NSMCE2: variants seen among roughly 807,000 people sequenced by gnomAD.
NSMCE2 encodes NSE2 SUMO ligase component of SMC5/6 complex, also known as E3 SUMO-protein ligase NSE2.
In NSMCE2, 24 loss-of-function variants were observed where a neutral mutation model predicts 23.8. That is an observed-to-expected ratio of 1.01 (90% CI 0.73 to 1.42). NSMCE2 has a LOEUF of 1.42. Ranked by LOEUF, NSMCE2 falls within the 40% of genes most tolerant of loss-of-function variation. The probability of loss-of-function intolerance (pLI) is 0.00; values close to 1 mark genes in which losing one functional copy is unlikely to be tolerated. For missense variants in NSMCE2, 284 were observed against 296.5 expected (o/e 0.96, Z 0.31); for synonymous variants, 92 against 94.1 (o/e 0.98, Z 0.13).
At chr8:125,182,864 A>T (rs1822894516) in intron 5 of NSMCE2, 1 of 152,302 alleles carries the variant, frequency 6.6e-6, no homozygotes, top group Admixed American at 6.5e-5. Flanking sequence ...TATACCAAAA[A>T]AATTTTTTAG....
intron 5 of NSMCE2, among the ~76,000 whole-genome samples, chr8:125,313,226 A>G (rs1563777894): frequency 6.6e-6 from 1 of 150,500 alleles, no homozygotes; most frequent in African/African-American, 2.5e-5. Context: ...AAAGAAAGAA[A>G]AAGAAGAAAG....
At chr8:125,296,372 A>T (rs374929626) in intron 5 of NSMCE2, among the ~76,000 whole-genome samples, 9 of 151,504 alleles carry the variant, frequency 5.9e-5, no homozygotes, top group African/African-American at 1.2e-4. Flanking sequence ...GGCTGTAGTC[A>T]AATTGTTGTT....
At chr8:125,122,107 A>G (rs1819290757) in intron 3 of NSMCE2, among the ~76,000 whole-genome samples, 2 of 151,366 alleles carry the variant, frequency 1.3e-5, no homozygotes, top group Admixed American at 6.6e-5. Flanking sequence ...TCTTCATTAA[A>G]ACCATTTATA....
chr8:125,236,126 A>C (rs1423648871), intron 5 of NSMCE2, among the ~76,000 whole-genome samples: 1 of 152,214 alleles, frequency 6.6e-6, no homozygotes, highest in Non-Finnish European at 1.5e-5. Context: ...GGCAAGTGAA[A>C]ATTCAGAAAG....
chr8:125,179,625 A>C (rs1057244877), intron 4 of NSMCE2, among the ~76,000 whole-genome samples: 7 of 152,238 alleles, frequency 4.6e-5, no homozygotes, highest in African/African-American at 1.7e-4. Context: ...GAAGACATTT[A>C]CAGCAGTGAA....
chr8:125,154,486 G>A (rs1319137131), intron 4 of NSMCE2, among the ~76,000 whole-genome samples: 2 of 148,624 alleles, frequency 1.3e-5, no homozygotes, highest in African/African-American at 5.0e-5. Context: ...TTTGGAATTG[G>A]CATCTATTTT....
intron 5 of NSMCE2, among the ~76,000 whole-genome samples, chr8:125,288,987 G>A (rs555050228): frequency 1.1e-4 from 16 of 152,012 alleles, no homozygotes; most frequent in Non-Finnish European, 7.4e-5. Context: ...TTATAGAGAT[G>A]GTCAGTGTTG....
At chr8:125,361,759 T>C (rs1429616379) in intron 7 of NSMCE2, among the ~76,000 whole-genome samples, 1 of 152,194 alleles carries the variant, frequency 6.6e-6, no homozygotes, top group Non-Finnish European at 1.5e-5. Context: ...AGAGTTGTTA[T>C]CACTCCCCGT....
chr8:125,231,696 A>G (rs1185341972), intron 5 of NSMCE2, among the ~76,000 whole-genome samples: 2 of 152,216 alleles, frequency 1.3e-5, no homozygotes, highest in African/African-American at 4.8e-5. Flanking sequence ...ATACAGTTGT[A>G]TATACTGGGT....
At chr8:125,317,651 A>C (rs1829264568) in intron 5 of NSMCE2, among the ~76,000 whole-genome samples, 1 of 152,244 alleles carries the variant, frequency 6.6e-6, no homozygotes, top group Non-Finnish European at 1.5e-5. Context: ...AGCCAATGTG[A>C]ACTCAGTATA....
chr8:125,167,437 C>T (rs540516506), intron 4 of NSMCE2, among the ~76,000 whole-genome samples: 10 of 152,032 alleles, frequency 6.6e-5, no homozygotes, highest in Non-Finnish European at 1.2e-4. Context: ...GAGGCTGAGG[C>T]GGGCGGATCA....
intron 4 of NSMCE2, among the ~76,000 whole-genome samples, chr8:125,177,690 C>T (rs756404264): frequency 1.3e-5 from 2 of 152,144 alleles, no homozygotes; most frequent in South Asian, 4.1e-4. Context: ...TAAGGATTAG[C>T]CCTTTTCTTA....
intron 5 of NSMCE2, among the ~76,000 whole-genome samples, chr8:125,216,447 C>T (rs1473552744): frequency 6.6e-6 from 1 of 152,174 alleles, no homozygotes; most frequent in East Asian, 1.9e-4. Flanking sequence ...CAAGACCAGC[C>T]TGACCAACAT....
chr8:125,360,983 C>T (rs908440357), intron 7 of NSMCE2, among the ~76,000 whole-genome samples: 4 of 151,496 alleles, frequency 2.6e-5, no homozygotes, highest in Non-Finnish European at 5.9e-5. Flanking sequence ...CAGCCAAGCA[C>T]GGTAGTTAGA....
At chr8:125,290,840 T>G (rs1307594588) in intron 5 of NSMCE2, among the ~76,000 whole-genome samples, 2 of 152,214 alleles carry the variant, frequency 1.3e-5, no homozygotes, top group Non-Finnish European at 2.9e-5. Context: ...AAGGATAATG[T>G]AGTAGCACTA....
intron 5 of NSMCE2, among the ~76,000 whole-genome samples, chr8:125,311,094 G>A (rs1183093466): frequency 6.6e-6 from 1 of 152,210 alleles, no homozygotes; most frequent in Non-Finnish European, 1.5e-5. Flanking sequence ...AACTGTGTTT[G>A]TGTAACCTGG....
chr8:125,139,021 G>C (rs1820217730), intron 3 of NSMCE2, among the ~76,000 whole-genome samples: 1 of 152,162 alleles, frequency 6.6e-6, no homozygotes, highest in African/African-American at 2.4e-5. Context: ...GAGCAATTTG[G>C]ATTTATTGTT....
intron 7 of NSMCE2, chr8:125,362,952 ACTCTCCACTTCC>A (rs1044430677): frequency 1.3e-5 from 2 of 151,000 alleles, no homozygotes; most frequent in East Asian, 2.0e-4. Flanking sequence ...TCCCCACCTC[ACTCTCCACTTCC>A]CTCTCCACTG....
chr8:125,304,913 AAGAG>A (rs1366888061), intron 5 of NSMCE2, among the ~76,000 whole-genome samples: 2 of 148,346 alleles, frequency 1.3e-5, no homozygotes, highest in East Asian at 3.9e-4. Context: ...AAAGAAAGGA[AAGAG>A]AGAAAGAAAG....
Sources: gnomAD v4.1 joint callset for allele counts (sites outside exome capture counted in the v4.1 genomes callset) on GRCh38, gnomAD v4.1.1 for gene constraint, MANE v1.5 for transcripts, NCBI Gene and HGNC (gene_info 2026-07-23, HGNC 2026-07-21) for gene names.